The following GAP43 variants were observed in gnomAD, a reference collection of about 807,000 sequenced individuals.
GAP43 encodes growth associated protein 43, also known as neuromodulin.
GAP43 carries 6 observed loss-of-function variants against 18.6 expected under a neutral mutation model. The ratio of observed to expected loss-of-function variants is 0.32; its 90% CI spans 0.18 to 0.64. GAP43 has a LOEUF of 0.64. Ranked by LOEUF, GAP43 falls within the 30% of genes least tolerant of loss-of-function variation. The pLI, the probability that GAP43 is intolerant of heterozygous loss-of-function variation, is 0.78. For synonymous variants in GAP43, 115 were observed against 111.4 expected (o/e 1.03, Z -0.20); for missense variants, 292 against 295.5 (o/e 0.99, Z 0.09).
At position 115,696,321 on chromosome 3, in the gene GAP43, C is replaced by CT. The variant is rs569741183; in HGVS notation, c.628+19718dup. ...TAGGCCATATGCCTTAAAATTATTC[C>CT]TTTTTTTCTTTTCCTTTGACAACAT... On this transcript the variant is annotated intron_variant, in intron 2 of 2. Transcript: ENST00000305124. 1.7e-4 allele frequency among the ~76,000 whole-genome samples: 26 copies of CT among 152,208 alleles called. No homozygotes were observed. In the East Asian group the frequency reaches 5.0e-3, roughly 29 times the overall value.
chr3:115,709,219 C>G (rs1373424725), intron 2 of GAP43, among the ~76,000 whole-genome samples: 3 of 152,118 alleles, frequency 2.0e-5, no homozygotes, highest in African/African-American at 7.2e-5. Context: ...ATGTCTTACT[C>G]CAGACGCCCT....
rs751536215 is a variant in GAP43 at position 115,632,308 on chromosome 3, T to C, written c.30+8589T>C. Among the ~76,000 whole-genome samples the C allele has an allele frequency of 3.6e-4, 55 of 151,964 alleles. 1 individual carries two copies. Among genetic ancestry groups the C allele is most frequent in the Non-Finnish European group, 7.5e-4 (51 of 67,978 alleles). ...TGGGAGACTGAAAATGTAGATACAG[T>C]TTGGTTGGGGGAAGCACATTTCAAA... On this transcript the variant is annotated intron_variant, in intron 1 of 2. Coordinates refer to ENST00000305124, the MANE Select transcript of GAP43 (RefSeq NM_002045.4).
At chr3:115,670,404 C>T (rs1708801881) in intron 1 of GAP43, among the ~76,000 whole-genome samples, 1 of 152,000 alleles carries the variant, frequency 6.6e-6, no homozygotes, top group Non-Finnish European at 1.5e-5. Context: ...CATTGTTGGA[C>T]ATTTCATCTT....
At chr3:115,641,499 CAT>C (rs1420505420) in intron 1 of GAP43, among the ~76,000 whole-genome samples, 3 of 119,546 alleles carry the variant, frequency 2.5e-5, no homozygotes, top group African/African-American at 9.4e-5. Context: ...ATATATTATA[CAT>C]ATATATATTC....
chr3:115,685,046 G>A (rs1709015936), intron 2 of GAP43, among the ~76,000 whole-genome samples: 1 of 152,108 alleles, frequency 6.6e-6, no homozygotes, highest in African/African-American at 2.4e-5. Flanking sequence ...CTGCATCTGT[G>A]ACAATACTTT....
At chr3:115,646,355 A>AT (rs1489121704) in intron 1 of GAP43, among the ~76,000 whole-genome samples, 7 of 152,028 alleles carry the variant, frequency 4.6e-5, no homozygotes, top group African/African-American at 1.4e-4. Context: ...TGTGCTAGAA[A>AT]TTTTTTTCTA....
chr3:115,680,325 G>A (rs1030767263), intron 2 of GAP43, among the ~76,000 whole-genome samples: 3 of 152,072 alleles, frequency 2.0e-5, no homozygotes, highest in Admixed American at 2.0e-4. Flanking sequence ...GTGTGGTGGT[G>A]TGTGCCTGAG....
intron 1 of GAP43, among the ~76,000 whole-genome samples, chr3:115,671,519 A>G (rs1708815112): frequency 6.6e-6 from 1 of 152,226 alleles, no homozygotes; most frequent in African/African-American, 2.4e-5. Flanking sequence ...CAGAGCTCTC[A>G]AACAAATCAG....
intron 2 of GAP43, among the ~76,000 whole-genome samples, chr3:115,692,031 G>A (rs567261625): frequency 6.6e-6 from 1 of 152,152 alleles, no homozygotes; most frequent in East Asian, 1.9e-4. Flanking sequence ...GCTTCAGGAG[G>A]GTTCTTTCAT....
rs138450870 is a variant in GAP43, at chr3:115,661,802, C to T, written c.31-14211C>T. Among the ~76,000 whole-genome samples the T allele has an allele frequency of 9.4e-3, 1,258 of 133,286 alleles. 24 individuals carry two copies. Among genetic ancestry groups the T allele is most frequent in the African/African-American group, 0.033 (1,160 of 34,836 alleles). 87.4% of individuals were successfully genotyped at this position (133,286 alleles called of 152,430 possible). A position where few individuals can be genotyped will look rare whatever the true frequency, so the allele number is the denominator to read the frequency against. On this transcript the variant is annotated intron_variant, in intron 1 of 2. Coordinates refer to ENST00000305124, the MANE Select transcript of GAP43 (RefSeq NM_002045.4). The stretch of plus-strand genomic sequence containing the variant: ...CGCACCCAGCAATATGACTTTGAAT[C>T]GCAAGTTTGGCTTGGGGAGAAACTA...
At chr3:115,641,035 T>C (rs201192815) in intron 1 of GAP43, among the ~76,000 whole-genome samples, 24,524 of 143,736 alleles carry the variant, frequency 0.17, 2,599 homozygotes, top group East Asian at 0.39. Context: ...GTTTTTTTTT[T>C]TCTTTTTTTT....
chr3:115,709,846 T>TAC lies in GAP43; in HGVS notation c.629-10947_629-10946insCA, dbSNP rs1709411626. Among the ~76,000 whole-genome samples the TAC allele has an allele frequency of 9.4e-5, 3 of 32,038 alleles. 1 individual carries two copies. The South Asian group carries it at 2.6e-3, about 28-fold the overall frequency. The allele number at this position is 32,038 out of a possible 152,430, so 21.0% of individuals were successfully genotyped here. A position where few individuals can be genotyped will look rare whatever the true frequency, so the allele number is the denominator to read the frequency against. ...TTTTGCAAGTATACATGAACATACA[T>TAC]ATATATATATATATATATACACACA... On this transcript the variant is annotated intron_variant, in intron 2 of 2. Coordinates refer to ENST00000305124, the MANE Select transcript of GAP43 (RefSeq NM_002045.4).
chr3:115,642,044 A>T (rs1708404096), intron 1 of GAP43, among the ~76,000 whole-genome samples: 1 of 151,864 alleles, frequency 6.6e-6, no homozygotes, highest in African/African-American at 2.4e-5. Flanking sequence ...AGGCCATTCA[A>T]CTCGAAAGGG....
At chr3:115,681,509 T>C (rs774472732) in intron 2 of GAP43, among the ~76,000 whole-genome samples, 1 of 152,172 alleles carries the variant, frequency 6.6e-6, no homozygotes, top group Non-Finnish European at 1.5e-5. Flanking sequence ...TGTAATATAA[T>C]GCAGGGAAAA....
chr3:115,688,263 C>T (rs1263968812), intron 2 of GAP43, among the ~76,000 whole-genome samples: 1 of 152,118 alleles, frequency 6.6e-6, no homozygotes, highest in Non-Finnish European at 1.5e-5. Flanking sequence ...AAGTGATCCA[C>T]CCACCTCGGC....
At position 115,676,497 on chromosome 3, in the gene GAP43, C is replaced by T. The variant is rs1378064667; in HGVS notation, c.515C>T (p.Ala172Val). 1.9e-6 allele frequency: 3 copies of T among 1,613,980 alleles called. No individual in the cohort carries two copies. In the Admixed American group the frequency reaches 5.0e-5, roughly 27 times the overall value. The part of the protein sequence containing the change: ...KEEPKQADVP[A>V]AVTAAAATTP... ...GAGCCTAAACAAGCCGATGTGCCTGCTGCTGTCACTGCTGCTGCTGCCACC... is the reference window on the plus strand; with the variant it reads ...GAGCCTAAACAAGCCGATGTGCCTGTTGCTGTCACTGCTGCTGCTGCCACC... The change falls in exon 2 of 3, where the codon GCT becomes GTT. Residue 172 changes from alanine to valine, a missense_variant. By Grantham distance (64) the Ala-to-Val change is moderately conservative. Transcript: ENST00000305124.
chr3:115,648,395 T>G (rs1708483889), intron 1 of GAP43, among the ~76,000 whole-genome samples: 1 of 152,098 alleles, frequency 6.6e-6, no homozygotes, highest in Non-Finnish European at 1.5e-5. Flanking sequence ...CATTGTCCTA[T>G]TTCAAACCCA....
intron 1 of GAP43, among the ~76,000 whole-genome samples, chr3:115,671,075 A>T (rs945176001): frequency 1.3e-5 from 2 of 152,212 alleles, no homozygotes; most frequent in African/African-American, 4.8e-5. Context: ...CATTCCTATG[A>T]TAACTGGGAA....
rs115698402 is a variant in GAP43, at chr3:115,662,016, G to A, written c.31-13997G>A. 4.8e-3 allele frequency among the ~76,000 whole-genome samples: 729 copies of A among 151,910 alleles called. 9 individuals are homozygous for A. Among genetic ancestry groups the A allele is most frequent in the African/African-American group, 0.017 (716 of 41,382 alleles). Reference sequence around the variant, plus strand: ...TGGTGGGGGTCGGGGGGAAGGGGAAGGGCATATTGTAATGAAACCACAATT... The same window carrying A: ...TGGTGGGGGTCGGGGGGAAGGGGAAAGGCATATTGTAATGAAACCACAATT... On this transcript the variant is annotated intron_variant, in intron 1 of 2. Transcript: ENST00000305124.
Sources: allele counts gnomAD v4.1 joint callset (sites outside exome capture counted in the v4.1 genomes callset), GRCh38; gene constraint gnomAD v4.1.1; transcripts MANE v1.5; gene names NCBI Gene and HGNC (gene_info 2026-07-23, HGNC 2026-07-21).